The following SEM1 variants were observed in gnomAD, a reference collection of about 807,000 sequenced individuals.
SEM1 encodes the protein 26S proteasome complex subunit SEM1.
In SEM1, 3 loss-of-function variants were observed where a neutral mutation model predicts 12.7. The ratio of observed to expected loss-of-function variants is 0.24; its 90% CI spans 0.11 to 0.61. The LOEUF is 0.61. SEM1 is among the 20% of genes least tolerant of loss of function. The probability of loss-of-function intolerance (pLI) is 0.88; values close to 1 mark genes in which losing one functional copy is unlikely to be tolerated. For synonymous variants in SEM1, 30 were observed against 27.8 expected (o/e 1.08, Z -0.25); for missense variants, 59 against 81.3 (o/e 0.73, Z 1.06).
Position 96,690,552 on chromosome 7 carries a change from A to G in SEM1, c.171-1586T>C, listed in dbSNP as rs114207003. On this transcript the variant is annotated intron_variant, in intron 2 of 2. Coordinates refer to ENST00000248566, the MANE Select transcript of SEM1 (RefSeq NM_006304.2). ...GGCTGCTGAGTGGAAAAATCAACAA[A>G]GACAAAAATAGAAAACCTCAGCACA... is the stretch of plus-strand genomic sequence containing the variant. Among the ~76,000 whole-genome samples the G allele has an allele frequency of 2.4e-3, 369 of 152,330 alleles. 2 individuals are homozygous for G. The highest frequency in any genetic ancestry group is 8.5e-3 in the African/African-American group (354 of 41,570).
chr7:96,576,654 G>A (rs1806212615), intron 2 of SEM1, among the ~76,000 whole-genome samples: 2 of 151,804 alleles, frequency 1.3e-5, no homozygotes, highest in Admixed American at 6.6e-5. Flanking sequence ...CTATGAACTT[G>A]CCTCTACCTC....
At chr7:96,553,265 TG>T (rs1425312145) in intron 2 of SEM1, among the ~76,000 whole-genome samples, 1 of 151,628 alleles carries the variant, frequency 6.6e-6, no homozygotes, top group Non-Finnish European at 1.5e-5. Flanking sequence ...ATGAAGTCCT[TG>T]CCCATGCCTA....
rs1462614461 is a variant in SEM1, at chr7:96,640,502, T to C, written c.171-17859A>G. Among the ~76,000 whole-genome samples, 1 of 151,978 alleles carries C rather than the reference T, an allele frequency of 6.6e-6. No individual in the cohort carries two copies. The highest frequency in any genetic ancestry group is 1.9e-4 in the East Asian group (1 of 5,182). ...ATGCCACATACTGTATGATTCCAAC[T>C]ATATGACATTCTGGAAAAGCCAAAG... On this transcript the variant is annotated intron_variant, in intron 2 of 2. Coordinates refer to the SEM1 transcript ENST00000417009. The surrounding 1 kb of genome is among the most constrained non-coding windows in gnomAD (Gnocchi z 4.0).
rs377578422 is a variant in SEM1, at chr7:96,617,269, G to C, written c.170+77529C>G. On this transcript the variant is annotated intron_variant and NMD_transcript_variant, in intron 2 of 3. Transcript: ENST00000466986. ...TCTTATAGAGATCTTTCACCTCCCT[G>C]GTTAAATCTATTCCTAGGTATTTCC... Among the ~76,000 whole-genome samples the C allele has an allele frequency of 2.0e-4, 30 of 152,008 alleles. No individual in the cohort carries two copies. In the East Asian group the frequency reaches 2.3e-3, roughly 12 times the overall value.
chr7:96,655,155 A>G (rs941843878), intron 2 of SEM1, among the ~76,000 whole-genome samples: 1 of 152,186 alleles, frequency 6.6e-6, no homozygotes, highest in African/African-American at 2.4e-5. Flanking sequence ...TTTCTGCCAC[A>G]GTGAGAGCAG....
chr7:96,597,844 G>A (rs1019428129), intron 2 of SEM1, among the ~76,000 whole-genome samples: 5 of 151,924 alleles, frequency 3.3e-5, no homozygotes, highest in African/African-American at 1.2e-4. Context: ...TATTGTTATT[G>A]GTTTCGTGTG....
At chr7:96,698,400 G>A (rs1790163363) in intron 1 of SEM1, among the ~76,000 whole-genome samples, 1 of 144,916 alleles carries the variant, frequency 6.9e-6, no homozygotes, top group African/African-American at 2.7e-5. Context: ...TTCTCCTAAT[G>A]CCATCCCTCC....
At chr7:96,596,131 G>A (rs1309070482) in intron 2 of SEM1, among the ~76,000 whole-genome samples, 2 of 152,182 alleles carry the variant, frequency 1.3e-5, no homozygotes, top group Non-Finnish European at 2.9e-5. Context: ...TATCACAAAG[G>A]TAGCAGATGA....
chr7:96,694,381 A>G (rs1471809620), intron 2 of SEM1, among the ~76,000 whole-genome samples: 1 of 152,012 alleles, frequency 6.6e-6, no homozygotes, highest in Non-Finnish European at 1.5e-5. Flanking sequence ...GAAATCAGGT[A>G]GATTTATACA....
At chr7:96,536,111 C>A (rs1039500624) in intron 2 of SEM1, among the ~76,000 whole-genome samples, 1 of 151,880 alleles carries the variant, frequency 6.6e-6, no homozygotes, top group Non-Finnish European at 1.5e-5. Flanking sequence ...TCTGCAACCT[C>A]ATCAGCATCT....
At chr7:96,498,554 T>C (rs921899918), upstream of SEM1, among the ~76,000 whole-genome samples, 1 of 152,188 alleles carries the variant, frequency 6.6e-6, no homozygotes, top group African/African-American at 2.4e-5. Context: ...AACTTGCAAC[T>C]TAATGGTAGA....
At chr7:96,493,129 T>G (rs933639498) in intron 1 of SEM1, among the ~76,000 whole-genome samples, 1 of 152,086 alleles carries the variant, frequency 6.6e-6, no homozygotes, top group Non-Finnish European at 1.5e-5. Flanking sequence ...CATACCCGGC[T>G]AATTTTTGTA....
chr7:96,594,906 T>C (rs1806947572), intron 2 of SEM1, among the ~76,000 whole-genome samples: 1 of 152,148 alleles, frequency 6.6e-6, no homozygotes, highest in African/African-American at 2.4e-5. Flanking sequence ...ATTTTCAGAT[T>C]AAAACAAAAG....
chr7:96,510,348 T>A (rs1205210359), intron 2 of SEM1, among the ~76,000 whole-genome samples: 2 of 152,140 alleles, frequency 1.3e-5, no homozygotes, highest in African/African-American at 4.8e-5. Context: ...CTACTACACA[T>A]CTAGGCTATA....
intron 2 of SEM1, among the ~76,000 whole-genome samples, chr7:96,539,703 C>T (rs920347442): frequency 6.6e-6 from 1 of 151,610 alleles, no homozygotes; most frequent in African/African-American, 2.4e-5. Flanking sequence ...AATAAGCCTC[C>T]TGGGGCAAAA....
intron 2 of SEM1, among the ~76,000 whole-genome samples, chr7:96,588,907 T>C (rs898434609): frequency 6.6e-6 from 1 of 152,252 alleles, no homozygotes; most frequent in Non-Finnish European, 1.5e-5. Flanking sequence ...CATGGGTATA[T>C]GTAAACCATT....
intron 2 of SEM1, among the ~76,000 whole-genome samples, chr7:96,581,630 A>G (rs369646232): frequency 6.6e-6 from 1 of 152,052 alleles, no homozygotes; most frequent in Non-Finnish European, 1.5e-5. Context: ...ATTTCTTTCT[A>G]TCCTCTTTTA....
intron 2 of SEM1, among the ~76,000 whole-genome samples, chr7:96,678,049 T>C (rs1213657137): frequency 6.6e-6 from 1 of 152,228 alleles, no homozygotes; most frequent in East Asian, 1.9e-4. Context: ...TAAATATTTG[T>C]TGAATGAATA....
intron 2 of SEM1, among the ~76,000 whole-genome samples, chr7:96,539,860 G>A (rs1804894819): frequency 6.6e-6 from 1 of 151,388 alleles, no homozygotes; most frequent in African/African-American, 2.4e-5. Context: ...ATACATTAAG[G>A]TTTTATTAAA....
Sources: gnomAD v4.1 joint callset for allele counts (sites outside exome capture counted in the v4.1 genomes callset) on GRCh38, gnomAD v4.1.1 for gene constraint, Gnocchi (gnomAD v3.1) non-coding constraint, MANE v1.5 for transcripts, NCBI Gene and HGNC (gene_info 2026-07-23, HGNC 2026-07-21) for gene names.